USO1: variants seen among roughly 807,000 people sequenced by gnomAD.
The protein encoded by USO1 is USO1 vesicle transport factor.
In USO1, 57 loss-of-function variants were observed where a neutral mutation model predicts 124.5. The ratio of observed to expected loss-of-function variants is 0.46; its 90% CI spans 0.37 to 0.57. USO1 has a LOEUF of 0.57. Among genes scored for constraint, USO1 ranks in the 20% least tolerant of loss-of-function variants. The probability of loss-of-function intolerance (pLI) is 0.00; values close to 1 mark genes in which losing one functional copy is unlikely to be tolerated. For missense variants in USO1, 900 were observed against 1,040.6 expected (o/e 0.86, Z 1.86); for synonymous variants, 369 against 362.8 (o/e 1.02, Z -0.19).
rs1255511150 is a variant in USO1, at chr4:75,771,066, T to C, written c.500-16T>C. On this transcript the variant is annotated splice_polypyrimidine_tract_variant and intron_variant, in intron 6 of 23. Coordinates refer to ENST00000514213, the MANE Select transcript of USO1 (RefSeq NM_003715.4). The stretch of plus-strand genomic sequence containing the variant: ...TTTTGGTCTGCCAGCATTTTTCACA[T>C]GGTTGTATGTTCTAGGTGTTTCAAG... The C allele has an allele frequency of 6.2e-7, 1 of 1,606,794 alleles. No homozygotes were observed. The highest frequency in any genetic ancestry group is 1.1e-5 in the South Asian group (1 of 89,354).
chr4:75,742,376 G>A (rs1720989138), intron 1 of USO1, among the ~76,000 whole-genome samples: 1 of 152,178 alleles, frequency 6.6e-6, no homozygotes, highest in South Asian at 2.1e-4. Context: ...CATATGGGAC[G>A]TCTGTGCAGT....
intron 1 of USO1, among the ~76,000 whole-genome samples, chr4:75,731,491 G>A (rs892370377): frequency 6.6e-6 from 1 of 151,560 alleles, no homozygotes; most frequent in African/African-American, 2.4e-5. Context: ...GAACCCACGA[G>A]GTGGAGGTTA....
At chr4:75,735,941 GT>G (rs970876293) in intron 1 of USO1, among the ~76,000 whole-genome samples, 6 of 151,792 alleles carry the variant, frequency 4.0e-5, no homozygotes, top group Non-Finnish European at 7.4e-5. Context: ...AGCAAAAAAT[GT>G]TTTTTTTAAT....
At chr4:75,783,126 GT>G (rs1722269846) in intron 9 of USO1, among the ~76,000 whole-genome samples, 1 of 152,152 alleles carries the variant, frequency 6.6e-6, no homozygotes, top group African/African-American at 2.4e-5. Flanking sequence ...CAGACATACA[GT>G]TTCCTGATGG....
At chr4:75,798,395 G>T (rs534538825) in intron 13 of USO1, among the ~76,000 whole-genome samples, 1 of 152,164 alleles carries the variant, frequency 6.6e-6, no homozygotes, top group Non-Finnish European at 1.5e-5. Context: ...TCGAGTAGTT[G>T]TAAGTTTTCT....
intron 1 of USO1, among the ~76,000 whole-genome samples, chr4:75,726,691 CA>C (rs1252809897): frequency 1.3e-5 from 2 of 152,214 alleles, no homozygotes; most frequent in African/African-American, 4.8e-5. Flanking sequence ...CACACGCACA[CA>C]TTTGGCTTCA....
chr4:75,726,468 C>T (rs2149133779), intron 1 of USO1, among the ~76,000 whole-genome samples: 1 of 151,728 alleles, frequency 6.6e-6, no homozygotes, highest in East Asian at 1.9e-4. Flanking sequence ...GTCGCAGTGA[C>T]ACAGGCCTAT....
intron 4 of USO1, among the ~76,000 whole-genome samples, chr4:75,766,981 G>T (rs936905722): frequency 3.9e-5 from 6 of 152,194 alleles, no homozygotes; most frequent in Non-Finnish European, 5.9e-5. Context: ...TTGAAGTTCA[G>T]AGGGGATTCT....
At chr4:75,792,219 G>A (rs1350923453) in intron 12 of USO1, among the ~76,000 whole-genome samples, 3 of 151,984 alleles carry the variant, frequency 2.0e-5, no homozygotes, top group African/African-American at 4.8e-5. Context: ...GGGCAACATA[G>A]TGAAACCCCA....
At chr4:75,764,188 A>T (rs1209115063) in intron 4 of USO1, among the ~76,000 whole-genome samples, 1 of 152,246 alleles carries the variant, frequency 6.6e-6, no homozygotes, top group African/African-American at 2.4e-5. Flanking sequence ...TAAATTAAAG[A>T]TATTAACTCT....
At chr4:75,759,246 C>CTTTTCTTTTTTTTTTTT (rs1721527320) in intron 4 of USO1, among the ~76,000 whole-genome samples, 1 of 69,126 alleles carries the variant, frequency 1.4e-5, no homozygotes, top group African/African-American at 6.4e-5. Flanking sequence ...TATTAAGGAC[C>CTTTTCTTTTTTTTTTTT]TTTTTTTTTT....
intron 19 of USO1, among the ~76,000 whole-genome samples, chr4:75,806,101 C>T (rs1722989658): frequency 6.6e-6 from 1 of 152,130 alleles, no homozygotes; most frequent in African/African-American, 2.4e-5. Flanking sequence ...TAGCAGTTCT[C>T]CTGCCTCAGC....
At chr4:75,812,559 G>T (rs1409952481) in intron 23 of USO1, among the ~76,000 whole-genome samples, 184 bp downstream of exon 23, 1 of 152,088 alleles carries the variant, frequency 6.6e-6, no homozygotes, top group Non-Finnish European at 1.5e-5. Context: ...ACACAGATTA[G>T]GTTCAGTTTT....
intron 4 of USO1, among the ~76,000 whole-genome samples, chr4:75,769,193 C>T (rs1047228068): frequency 6.6e-6 from 1 of 152,188 alleles, no homozygotes; most frequent in Admixed American, 6.5e-5. Context: ...CCTGACCTGT[C>T]TCCCTATTTT....
chr4:75,725,021 C>A, intron 1 of USO1, 136 bp downstream of exon 1: 1 of 860,776 alleles, frequency 1.2e-6, no homozygotes, highest in Non-Finnish European at 1.8e-6. Flanking sequence ...CCTTTGCCCT[C>A]CTTCCGCTCC....
chr4:75,733,123 G>A (rs1469302996), intron 1 of USO1, among the ~76,000 whole-genome samples: 2 of 151,702 alleles, frequency 1.3e-5, no homozygotes, highest in Non-Finnish European at 2.9e-5. Context: ...GCCGGGCGTG[G>A]TGGCGGGCAC....
Position 75,793,674 on chromosome 4 carries a change from C to T in USO1, c.1241-16C>T, listed in dbSNP as rs1252786498. ...AAATCTAATATATTTTTATTGTCTG[C>T]CTGCCATCTTTGTAGCAACAGGTAA... On this transcript the variant is annotated splice_polypyrimidine_tract_variant and intron_variant, in intron 12 of 23. Transcript: ENST00000514213. 6.3e-7 allele frequency: 1 copy of T among 1,588,588 alleles called. No homozygotes were observed. Among genetic ancestry groups the T allele is most frequent in the Non-Finnish European group, 8.6e-7 (1 of 1,165,914 alleles).
intron 1 of USO1, among the ~76,000 whole-genome samples, chr4:75,729,365 A>T (rs10031616): frequency 0.55 from 83,114 of 151,694 alleles, 24,025 homozygotes; most frequent in East Asian, 0.81. Flanking sequence ...TGGGGTACGA[A>T]GTCTCGCTCT....
At chr4:75,729,356 G>C (rs1039907852) in intron 1 of USO1, among the ~76,000 whole-genome samples, 2 of 150,828 alleles carry the variant, frequency 1.3e-5, no homozygotes, top group African/African-American at 4.9e-5. Flanking sequence ...GTAGGGGGGT[G>C]GGGTACGAAG....
Sources: gnomAD v4.1 joint callset for allele counts (sites outside exome capture counted in the v4.1 genomes callset) on GRCh38, gnomAD v4.1.1 for gene constraint, MANE v1.5 for transcripts, NCBI Gene and HGNC (gene_info 2026-07-23, HGNC 2026-07-21) for gene names.